Variants in SV2C observed in about 807,000 individuals in gnomAD.
The protein encoded by SV2C is solute carrier family 22 member B3.
SV2C carries 49 observed loss-of-function variants against 79.7 expected under a neutral mutation model. The ratio of observed to expected loss-of-function variants is 0.61; its 90% CI spans 0.49 to 0.78. SV2C has a LOEUF of 0.78. Among genes scored for constraint, SV2C ranks in the 30% least tolerant of loss-of-function variants. The probability of loss-of-function intolerance (pLI) is 0.00; values close to 1 mark genes in which losing one functional copy is unlikely to be tolerated. For missense variants in SV2C, 833 were observed against 912.9 expected, an observed-to-expected ratio of 0.91 and a Z score of 1.13; for synonymous variants, 334 against 333.2, an observed-to-expected ratio of 1.00 and a Z score of -0.03.
At chr5:76,194,875 A>C (rs1418028893) in intron 2 of SV2C, 44 bp from the exon 3 acceptor site, 1 of 1,592,360 alleles carries the variant, frequency 6.3e-7, no homozygotes, top group Admixed American at 1.8e-5. Flanking sequence ...TGTGTCATTG[A>C]CTCCCAACCT....
chr5:76,024,356 A>C, the SV2C span, among the ~76,000 whole-genome samples: 6 of 152,304 alleles, frequency 3.9e-5, no homozygotes, highest in East Asian at 1.2e-3. Flanking sequence ...ATATGCATAA[A>C]AATGGTGTCC....
upstream of SV2C, among the ~76,000 whole-genome samples, chr5:76,081,544 T>C (rs1746992475): frequency 6.6e-6 from 1 of 152,132 alleles, no homozygotes; most frequent in African/African-American, 2.4e-5. Flanking sequence ...ATTATTTAAC[T>C]ATTTAAATAA....
intron 12 of SV2C, among the ~76,000 whole-genome samples, chr5:76,314,226 C>T (rs1175512290): frequency 6.6e-6 from 1 of 152,152 alleles, no homozygotes. Context: ...AGTTTTCCTC[C>T]CCGTATGGGG....
chr5:76,047,818 T>G, the SV2C span, among the ~76,000 whole-genome samples: 1 of 147,870 alleles, frequency 6.8e-6, no homozygotes, highest in African/African-American at 2.5e-5. Context: ...CAGGCTGGAG[T>G]GCAGTGGCGC....
At chr5:76,073,544 T>TATATATATATAC in the SV2C span, among the ~76,000 whole-genome samples, 10 of 121,094 alleles carry the variant, frequency 8.3e-5, no homozygotes, top group Non-Finnish European at 1.5e-4. Flanking sequence ...TATATATATA[T>TATATATATATAC]ACACCATGGA....
At chr5:76,289,433 T>C (rs569934748) in intron 6 of SV2C, among the ~76,000 whole-genome samples, 1 of 152,016 alleles carries the variant, frequency 6.6e-6, no homozygotes, top group East Asian at 1.9e-4. Flanking sequence ...CAGTGAGGGG[T>C]GGGGAAAGAT....
At chr5:76,346,982 TAAGA>T (rs1473617354) in intron 12 of SV2C, among the ~76,000 whole-genome samples, 3 of 152,138 alleles carry the variant, frequency 2.0e-5, no homozygotes, top group Non-Finnish European at 2.9e-5. Context: ...AAACAGACTC[TAAGA>T]GAGAGATTAA....
the SV2C span, among the ~76,000 whole-genome samples, chr5:75,940,386 C>CAA: frequency 4.1e-4 from 59 of 145,494 alleles, no homozygotes; most frequent in East Asian, 3.0e-3. Flanking sequence ...GACTCTGTCT[C>CAA]AAAAAAAAAA....
At chr5:75,923,426 C>G in the SV2C span, among the ~76,000 whole-genome samples, 1 of 152,182 alleles carries the variant, frequency 6.6e-6, no homozygotes, top group African/African-American at 2.4e-5. Context: ...AAAACAGGAC[C>G]TAATTAAACT....
the SV2C span, among the ~76,000 whole-genome samples, chr5:75,954,033 A>G: frequency 1.3e-5 from 2 of 151,924 alleles, no homozygotes; most frequent in South Asian, 4.1e-4. Context: ...TAATTGCATT[A>G]CTTAGTGACA....
the SV2C span, among the ~76,000 whole-genome samples, chr5:75,963,483 A>C: frequency 2.0e-5 from 3 of 152,140 alleles, no homozygotes; most frequent in Non-Finnish European, 4.4e-5. Flanking sequence ...TTTGTCTTCT[A>C]AAATCCGATA....
At chr5:75,952,433 CG>C in the SV2C span, among the ~76,000 whole-genome samples, 1 of 151,586 alleles carries the variant, frequency 6.6e-6, no homozygotes, top group African/African-American at 2.4e-5. Context: ...TTATTGTGGT[CG>C]TGTGGTTTGG....
intron 2 of SV2C, among the ~76,000 whole-genome samples, chr5:76,163,488 C>A (rs1335384586): frequency 6.6e-6 from 1 of 152,128 alleles, no homozygotes; most frequent in Non-Finnish European, 1.5e-5. Context: ...TCCCATGAAC[C>A]AGAGCTTCAG....
At chr5:75,989,840 G>T in the SV2C span, among the ~76,000 whole-genome samples, 1 of 150,876 alleles carries the variant, frequency 6.6e-6, no homozygotes, top group African/African-American at 2.4e-5. Context: ...CAGGTGTGAG[G>T]TGGTATCTCA....
rs894838681 is a variant in SV2C at position 76,083,436 on chromosome 5, G to A, written c.-178G>A. The A allele has an allele frequency of 6.6e-6, 1 of 152,462 alleles. No individual in the cohort carries two copies. Among genetic ancestry groups the A allele is most frequent in the Admixed American group, 6.5e-5 (1 of 15,296 alleles). The allele number at this position is 152,462 out of a possible 1,614,324, so 9.4% of individuals were successfully genotyped here. On this transcript the variant is annotated 5_prime_UTR_variant, in exon 1 of 13. Transcript: ENST00000502798. Reference sequence around the variant, plus strand: ...GCAGACGGAGGCAGCCCGGGGAAGCGAGCCGGAGCGGCGCCCGCACTGAGG... The same window carrying A: ...GCAGACGGAGGCAGCCCGGGGAAGCAAGCCGGAGCGGCGCCCGCACTGAGG...
chr5:76,280,538 T>C (rs1747152655), intron 4 of SV2C, among the ~76,000 whole-genome samples: 1 of 151,824 alleles, frequency 6.6e-6, no homozygotes, highest in Non-Finnish European at 1.5e-5. Context: ...GCAGTAAGAG[T>C]GAAGAATAAA....
chr5:76,140,009 T>C (rs1749201334), intron 2 of SV2C, among the ~76,000 whole-genome samples: 2 of 152,144 alleles, frequency 1.3e-5, no homozygotes, highest in Admixed American at 6.5e-5. Flanking sequence ...AGAATAAATA[T>C]AGATATTTAC....
the SV2C span, among the ~76,000 whole-genome samples, chr5:75,914,019 T>G: frequency 1.3e-5 from 2 of 152,188 alleles, no homozygotes; most frequent in Non-Finnish European, 2.9e-5. Flanking sequence ...ACATGTACAT[T>G]TATTCACCCA....
chr5:75,926,216 A>T, the SV2C span, among the ~76,000 whole-genome samples: 7 of 151,966 alleles, frequency 4.6e-5, no homozygotes, highest in South Asian at 1.0e-3. Context: ...CCAAACTCTC[A>T]TCTGCTTACC....
Sources: gnomAD v4.1 joint callset for allele counts (sites outside exome capture counted in the v4.1 genomes callset) on GRCh38, gnomAD v4.1.1 for gene constraint, MANE v1.5 for transcripts, NCBI Gene and HGNC (gene_info 2026-07-23, HGNC 2026-07-21) for gene names.